The following MAGI1 variants were observed in gnomAD, a reference collection of about 807,000 sequenced individuals.
MAGI1 encodes the protein membrane-associated guanylate kinase, WW and PDZ domain-containing protein 1.
In MAGI1, 58 loss-of-function variants were observed where a neutral mutation model predicts 139.9. That is an observed-to-expected ratio of 0.41 (90% CI 0.34 to 0.52). MAGI1 has a LOEUF of 0.52. MAGI1 is among the 20% of genes least tolerant of loss of function. MAGI1 has a pLI of 0.12. For synonymous variants in MAGI1, 812 were observed against 737.9 expected, an observed-to-expected ratio of 1.10 and a Z score of -1.63; for missense variants, 1,874 against 1,901.6, an observed-to-expected ratio of 0.99 and a Z score of 0.27.
chr3:65,455,349 C>A (rs1032325330), intron 5 of MAGI1, among the ~76,000 whole-genome samples: 1 of 152,134 alleles, frequency 6.6e-6, no homozygotes, highest in Non-Finnish European at 1.5e-5. Flanking sequence ...ACCATTCCCC[C>A]CAACCCTCTT....
At chr3:65,961,353 C>T (rs1204979706) in intron 1 of MAGI1, among the ~76,000 whole-genome samples, 1 of 152,238 alleles carries the variant, frequency 6.6e-6, no homozygotes, top group Non-Finnish European at 1.5e-5. Flanking sequence ...TATTCAGCCC[C>T]TCCCTTCCTG....
intron 2 of MAGI1, among the ~76,000 whole-genome samples, chr3:65,515,610 G>A (rs558939761): frequency 2.8e-4 from 43 of 152,206 alleles, no homozygotes; most frequent in Non-Finnish European, 3.7e-4. Context: ...TAGAATCTAC[G>A]AAAGAACACA....
chr3:65,453,939 G>A (rs1949207538), intron 5 of MAGI1, among the ~76,000 whole-genome samples: 1 of 152,170 alleles, frequency 6.6e-6, no homozygotes, highest in African/African-American at 2.4e-5. Context: ...GGATAAGCTT[G>A]GAGAGGCTAA....
At chr3:65,903,170 AT>A (rs2061308059) in intron 1 of MAGI1, among the ~76,000 whole-genome samples, 2 of 152,190 alleles carry the variant, frequency 1.3e-5, no homozygotes, top group South Asian at 4.2e-4. Context: ...AATGTTGTTT[AT>A]TTTTTGTATA....
chr3:65,564,622 T>C (rs2080523893), intron 2 of MAGI1, among the ~76,000 whole-genome samples: 1 of 152,224 alleles, frequency 6.6e-6, no homozygotes, highest in South Asian at 2.1e-4. Flanking sequence ...ATGCAGTGGC[T>C]AGTCCTGAAT....
intron 2 of MAGI1, among the ~76,000 whole-genome samples, chr3:65,586,006 G>A (rs113723748): frequency 2.0e-5 from 3 of 152,196 alleles, no homozygotes; most frequent in African/African-American, 7.2e-5. Context: ...CCAGGAGTTC[G>A]AGACCAGCCC....
chr3:65,492,451 TTAAA>T (rs1056882482), intron 3 of MAGI1, among the ~76,000 whole-genome samples: 1 of 152,220 alleles, frequency 6.6e-6, no homozygotes, highest in African/African-American at 2.4e-5. Flanking sequence ...AGGGAAGTGG[TTAAA>T]TAAATTACGG....
chr3:65,999,164 G>C (rs985489760), intron 1 of MAGI1, among the ~76,000 whole-genome samples: 5 of 152,124 alleles, frequency 3.3e-5, no homozygotes, highest in African/African-American at 1.2e-4. Context: ...GCACCTATCA[G>C]CCATCCCTTA....
intron 1 of MAGI1, among the ~76,000 whole-genome samples, chr3:65,934,934 C>T (rs1269630106): frequency 6.6e-6 from 1 of 151,778 alleles, no homozygotes; most frequent in African/African-American, 2.4e-5. Context: ...GGTACAAACA[C>T]AGTAAAGAAC....
intron 2 of MAGI1, among the ~76,000 whole-genome samples, chr3:65,521,302 T>A (rs1436165086): frequency 2.0e-5 from 3 of 151,970 alleles, no homozygotes; most frequent in Non-Finnish European, 2.9e-5. Flanking sequence ...AATTCTGACC[T>A]CACAGCTATA....
At chr3:65,919,577 G>GA (rs2062071259) in intron 1 of MAGI1, among the ~76,000 whole-genome samples, 1 of 148,820 alleles carries the variant, frequency 6.7e-6, no homozygotes, top group African/African-American at 2.5e-5. Flanking sequence ...AAAACAAAAA[G>GA]AAAAAACAAA....
At chr3:65,941,828 G>A (rs1466080910) in intron 1 of MAGI1, among the ~76,000 whole-genome samples, 1 of 152,192 alleles carries the variant, frequency 6.6e-6, no homozygotes, top group African/African-American at 2.4e-5. Context: ...GTCTCACTCT[G>A]CTGACCAGGC....
At chr3:65,468,990 T>TAAATA (rs57673741) in intron 5 of MAGI1, among the ~76,000 whole-genome samples, 1 of 151,322 alleles carries the variant, frequency 6.6e-6, no homozygotes, top group African/African-American at 2.4e-5. Context: ...AATAAATAAA[T>TAAATA]GTGTGTATAC....
intron 1 of MAGI1, among the ~76,000 whole-genome samples, chr3:65,945,811 T>C (rs892647008): frequency 7.9e-5 from 12 of 152,360 alleles, no homozygotes; most frequent in East Asian, 7.7e-4. Context: ...GAATCATTCG[T>C]TGCTCACTTA....
At chr3:65,714,417 T>C (rs561109811) in intron 1 of MAGI1, among the ~76,000 whole-genome samples, 1 of 152,120 alleles carries the variant, frequency 6.6e-6, no homozygotes, top group African/African-American at 2.4e-5. Flanking sequence ...AGCTCAGGGT[T>C]TCTCAGTGGC....
intron 1 of MAGI1, among the ~76,000 whole-genome samples, chr3:65,933,134 T>C (rs937408258): frequency 1.3e-5 from 2 of 152,234 alleles, no homozygotes; most frequent in African/African-American, 4.8e-5. Context: ...AAACTCAATA[T>C]TAATCCACTT....
chr3:65,848,863 G>C (rs2059099675), intron 1 of MAGI1, among the ~76,000 whole-genome samples: 1 of 152,050 alleles, frequency 6.6e-6, no homozygotes, highest in African/African-American at 2.4e-5. Flanking sequence ...CTCTGCTGCT[G>C]TGGACACTTC....
At chr3:65,548,890 G>C (rs2079658756) in intron 2 of MAGI1, among the ~76,000 whole-genome samples, 1 of 152,200 alleles carries the variant, frequency 6.6e-6, no homozygotes, top group Non-Finnish European at 1.5e-5. Flanking sequence ...AGTTCATTAA[G>C]TGGCAGCAGG....
chr3:65,816,936 C>T (rs1042634653), intron 1 of MAGI1, among the ~76,000 whole-genome samples: 4 of 152,090 alleles, frequency 2.6e-5, no homozygotes, highest in African/African-American at 4.8e-5. Context: ...ATCTATTCAA[C>T]GGACTAAAAA....
Sources: gnomAD v4.1 joint callset for allele counts (sites outside exome capture counted in the v4.1 genomes callset) on GRCh38, gnomAD v4.1.1 for gene constraint, MANE v1.5 for transcripts, NCBI Gene and HGNC (gene_info 2026-07-23, HGNC 2026-07-21) for gene names.